Variants in TMC2 observed in about 807,000 individuals in gnomAD.
TMC2 encodes the protein transmembrane channel like 2, also known as transmembrane channel-like protein 2.
In TMC2, 102 loss-of-function variants were observed where a neutral mutation model predicts 105.9. That is an observed-to-expected ratio of 0.96 (90% CI 0.82 to 1.14). The LOEUF (loss-of-function observed/expected upper bound fraction) is 1.14, where lower values mean the gene tolerates loss of function less well. Ranked by LOEUF, TMC2 falls within the 50% of genes most tolerant of loss-of-function variation. TMC2 has a pLI of 0.00. For missense variants in TMC2, 1,093 were observed against 1,134.3 expected, an observed-to-expected ratio of 0.96 and a Z score of 0.52; for synonymous variants, 402 against 422.8, an observed-to-expected ratio of 0.95 and a Z score of 0.60.
rs979881579 is a variant in TMC2, at chr20:2,642,604, T to C, written c.*1253T>C. Among the ~76,000 whole-genome samples, 10 of 152,314 alleles carry C rather than the reference T, an allele frequency of 6.6e-5. No homozygotes were observed. The highest frequency in any genetic ancestry group is 2.4e-4 in the African/African-American group (10 of 41,562). The stretch of plus-strand genomic sequence containing the variant: ...CACTTAGTGTCATATCATGGTTCTA[T>C]GCAGAATATTTCTTAGGGGGAAGAA... On this transcript the variant is annotated 3_prime_UTR_variant, in exon 20 of 20. Transcript: ENST00000358864.
chr20:2,540,862 C>T (rs374693762), intron 2 of TMC2, among the ~76,000 whole-genome samples: 1 of 152,232 alleles, frequency 6.6e-6, no homozygotes, highest in Admixed American at 6.5e-5. Context: ...GACCTTGCCC[C>T]AGCAAACATG....
chr20:2,629,595 T>C (rs1016891453), intron 17 of TMC2, among the ~76,000 whole-genome samples: 3 of 149,196 alleles, frequency 2.0e-5, no homozygotes, highest in East Asian at 2.0e-4. Context: ...CTAGCCCATA[T>C]AGTACCTTGT....
At chr20:2,575,559 CTAAT>C (rs2086138265) in intron 5 of TMC2, among the ~76,000 whole-genome samples, 1 of 152,136 alleles carries the variant, frequency 6.6e-6, no homozygotes, top group Non-Finnish European at 1.5e-5. Context: ...AGCTTTTTAA[CTAAT>C]TAAGTACACA....
intron 2 of TMC2, among the ~76,000 whole-genome samples, chr20:2,544,495 T>A (rs1367921604): frequency 6.6e-6 from 1 of 152,190 alleles, no homozygotes; most frequent in Non-Finnish European, 1.5e-5. Context: ...ATTTCTTTGT[T>A]TACTTCCTAG....
chr20:2,622,393 C>T (rs1425853908), intron 16 of TMC2, among the ~76,000 whole-genome samples: 1 of 152,148 alleles, frequency 6.6e-6, no homozygotes, highest in Non-Finnish European at 1.5e-5. Context: ...ACAGACTAGG[C>T]GCAGTGGCTC....
chr20:2,623,236 C>T (rs2086538406), intron 16 of TMC2, among the ~76,000 whole-genome samples: 1 of 151,850 alleles, frequency 6.6e-6, no homozygotes, highest in African/African-American at 2.4e-5. Context: ...TGAATACAAG[C>T]AGAAAGAGAA....
At chr20:2,577,162 T>C (rs13042559) in intron 5 of TMC2, among the ~76,000 whole-genome samples, 21,658 of 151,668 alleles carry the variant, frequency 0.14, 2,087 homozygotes, top group African/African-American at 0.27. Context: ...CCTGCCTCGA[T>C]CTCCCAAAGT....
intron 16 of TMC2, chr20:2,618,184 A>G (rs922845651): frequency 6.6e-6 from 1 of 151,786 alleles, no homozygotes. Flanking sequence ...ATCCTTCCCA[A>G]CCTCTGATCA....
In TMC2 at chr20:2,588,433, A is replaced by G. The variant is rs1026475491; in HGVS notation, c.835-3877A>G. On this transcript the variant is annotated intron_variant, in intron 7 of 19. Coordinates refer to ENST00000358864, the MANE Select transcript of TMC2 (RefSeq NM_080751.3). ...GCAGAGAATCCAGCCACACCATGCT[A>G]GACTGCTGACCTACAGAACTGTGAG... Among the ~76,000 whole-genome samples the G allele has an allele frequency of 3.3e-5, 5 of 152,334 alleles. No homozygotes were observed. In the South Asian group the frequency reaches 1.0e-3, roughly 32 times the overall value.
chr20:2,609,392 C>T (rs2086417999), intron 11 of TMC2, among the ~76,000 whole-genome samples: 1 of 152,160 alleles, frequency 6.6e-6, no homozygotes, highest in South Asian at 2.1e-4. Flanking sequence ...AAAAACGTCC[C>T]TTCCACAAAG....
Position 2,599,539 on chromosome 20 carries a change from A to ATTTTTT in TMC2, c.1224+2259_1224+2264dup, listed in dbSNP as rs11409325. Among the ~76,000 whole-genome samples, 171 of 85,490 alleles carry ATTTTTT rather than the reference A, an allele frequency of 2.0e-3. 4 individuals are homozygous for ATTTTTT. The highest frequency in any genetic ancestry group is 3.1e-3 in the African/African-American group (63 of 20,630). The allele number at this position is 85,490 out of a possible 152,430, so 56.1% of individuals were successfully genotyped here. On this transcript the variant is annotated intron_variant, in intron 10 of 19. Transcript: ENST00000358864. Reference sequence around the variant, plus strand: ...CTTCGTTTTTTTTTTCTTTAATTACATTTTTTTTTTTTTTTTTTTTTTTGG... The same window carrying ATTTTTT: ...CTTCGTTTTTTTTTTCTTTAATTACATTTTTTTTTTTTTTTTTTTTTTTTTTTTTGG...
chr20:2,603,694 C>T (rs922700476), intron 11 of TMC2, among the ~76,000 whole-genome samples: 3 of 152,180 alleles, frequency 2.0e-5, no homozygotes, highest in African/African-American at 7.2e-5. Flanking sequence ...TTTGAAAACA[C>T]AGTGAGAGAC....
At chr20:2,576,566 C>T (rs1009983300) in intron 5 of TMC2, among the ~76,000 whole-genome samples, 3 of 152,206 alleles carry the variant, frequency 2.0e-5, no homozygotes, top group Non-Finnish European at 4.4e-5. Context: ...TATCAGCACC[C>T]TGACAGGGGA....
intron 4 of TMC2, among the ~76,000 whole-genome samples, chr20:2,567,080 A>G (rs2086069365): frequency 1.3e-5 from 2 of 152,244 alleles, no homozygotes; most frequent in Admixed American, 6.5e-5. Context: ...GGTGTGCCAG[A>G]GGAGGCTGAG....
chr20:2,539,990 C>CTTTTTTTTT (rs57860432), intron 2 of TMC2, among the ~76,000 whole-genome samples: 5 of 115,118 alleles, frequency 4.3e-5, no homozygotes, highest in Admixed American at 9.9e-5. Context: ...CTTTTCTTTT[C>CTTTTTTTTT]TTTTTTTTTT....
chr20:2,593,794 C>G (rs1568517224), intron 8 of TMC2, among the ~76,000 whole-genome samples: 1 of 152,086 alleles, frequency 6.6e-6, no homozygotes, highest in Non-Finnish European at 1.5e-5. Context: ...CCTGTCACTC[C>G]CCTACCTCAA....
intron 4 of TMC2, among the ~76,000 whole-genome samples, chr20:2,571,167 C>A (rs6114989): frequency 0.13 from 19,280 of 152,064 alleles, 1,519 homozygotes; most frequent in African/African-American, 0.21. Flanking sequence ...AATCAAACTA[C>A]AAAGCTGCTG....
chr20:2,561,456 T>A (rs528898302), intron 3 of TMC2, among the ~76,000 whole-genome samples: 1 of 152,200 alleles, frequency 6.6e-6, no homozygotes, highest in Non-Finnish European at 1.5e-5. Flanking sequence ...CTCTAATAAT[T>A]TTATATTGAT....
chr20:2,550,348 CA>C (rs776883594), intron 2 of TMC2, among the ~76,000 whole-genome samples: 1 of 151,974 alleles, frequency 6.6e-6, no homozygotes, highest in Non-Finnish European at 1.5e-5. Flanking sequence ...GACCCTGTCT[CA>C]AAAAAATAAA....
Sources: gnomAD v4.1 joint callset for allele counts (sites outside exome capture counted in the v4.1 genomes callset) on GRCh38, gnomAD v4.1.1 for gene constraint, MANE v1.5 for transcripts, NCBI Gene and HGNC (gene_info 2026-07-23, HGNC 2026-07-21) for gene names.